Variants in FBXW10 observed in about 807,000 individuals in gnomAD.
FBXW10 encodes the protein F-box/WD repeat-containing protein 10.
A neutral mutation model predicts 113.1 loss-of-function variants in FBXW10; 68 were observed. The ratio of observed to expected loss-of-function variants is 0.60; its 90% CI spans 0.49 to 0.74. The LOEUF is 0.74. Among genes scored for constraint, FBXW10 ranks in the 30% least tolerant of loss-of-function variants. FBXW10 has a pLI of 0.00. For synonymous variants in FBXW10, 289 were observed against 481.6 expected (o/e 0.60, Z 5.24); for missense variants, 753 against 1,284.5 (o/e 0.59, Z 6.32).
intron 1 of FBXW10, among the ~76,000 whole-genome samples, chr17:18,746,821 C>G (rs997408479): frequency 5.3e-5 from 8 of 152,120 alleles, no homozygotes; most frequent in Non-Finnish European, 8.8e-5. Context: ...AGATGCAATG[C>G]TCCACAGTGC....
rs144179290 is a variant in FBXW10 at position 18,756,082 on chromosome 17, A to G, written c.1160A>G (p.Glu387Gly). The stretch of plus-strand genomic sequence containing the variant: ...CTGTGGACTGCATACCAGAACGAGG[A>G]AACGCAGCAGGTCCTGATAGAGGAG... The part of the protein sequence containing the change: ...YNLWTAYQNE[E>G]TQQVLIEERN... Residue 387 changes from glutamate (E) to glycine (G), a missense_variant, in exon 6 of 14, where the codon GAA becomes GGA. Physicochemically the swap from Glu to Gly is moderately conservative, Grantham distance 98. Coordinates refer to ENST00000395665, the MANE Select transcript of FBXW10 (RefSeq NM_001267585.2). 6.5e-3 allele frequency: 10,492 copies of G among 1,613,914 alleles called. 40 individuals are homozygous for G. The highest frequency in any genetic ancestry group is 7.5e-3 in the Admixed American group (448 of 59,998).
At chr17:18,753,796 C>T (rs2035212120) in intron 5 of FBXW10, among the ~76,000 whole-genome samples, 1 of 151,880 alleles carries the variant, frequency 6.6e-6, no homozygotes, top group South Asian at 2.1e-4. Flanking sequence ...ATCACTTGAA[C>T]CTAGGAGATG....
intron 7 of FBXW10, 59 bp from the exon 8 acceptor site, chr17:18,764,683 G>T: frequency 1.2e-6 from 2 of 1,612,894 alleles, no homozygotes; most frequent in Non-Finnish European, 1.7e-6. Context: ...TGGGTTCTAC[G>T]CAGTATGATC....
At chr17:18,762,131 T>C (rs912626396) in intron 7 of FBXW10, among the ~76,000 whole-genome samples, 1 of 143,556 alleles carries the variant, frequency 7.0e-6, no homozygotes, top group Non-Finnish European at 1.5e-5. Flanking sequence ...CCTGGCTAAT[T>C]TTTTGTATTT....
chr17:18,752,465 A>G (rs1230850861), intron 5 of FBXW10, among the ~76,000 whole-genome samples: 2 of 152,226 alleles, frequency 1.3e-5, no homozygotes, highest in African/African-American at 4.8e-5. Flanking sequence ...CTGTAATCCC[A>G]GCACTTTGGG....
At chr17:18,747,331 C>T (rs914243402) in intron 1 of FBXW10, among the ~76,000 whole-genome samples, 6 of 152,074 alleles carry the variant, frequency 3.9e-5, no homozygotes, top group South Asian at 4.1e-4. Context: ...GAGGCCGAGG[C>T]GGGTGGATCA....
At chr17:18,773,131 C>T (rs1008339635) in intron 12 of FBXW10, among the ~76,000 whole-genome samples, 22 of 151,838 alleles carry the variant, frequency 1.4e-4, no homozygotes, top group Non-Finnish European at 2.8e-4. Context: ...TGGGCTTTCT[C>T]CATGTTGATC....
At position 18,747,975 on chromosome 17, in the gene FBXW10, C is replaced by G. The variant is rs1240588868; in HGVS notation, c.540C>G (p.Ser180=). The G allele has an allele frequency of 6.2e-7, 1 of 1,613,768 alleles. No homozygotes were observed. The highest frequency in any genetic ancestry group is 8.5e-7 in the Non-Finnish European group (1 of 1,179,838). The change falls in exon 2 of 14, where the codon TCC becomes TCG. Residue 180 remains serine, a synonymous_variant. Coordinates refer to ENST00000395665, the MANE Select transcript of FBXW10 (RefSeq NM_001267585.2). ...LNQDITDVCF[S]PEKDHSSKSA... is the part of the protein sequence containing the mutation. ...AAGACATCACAGATGTGTGTTTTTC[C>G]CCTGAGAAAGACCACAGCTCCAAGT...
chr17:18,768,046 CCTTCCTT>C (rs2035535448), intron 9 of FBXW10, among the ~76,000 whole-genome samples: 1 of 148,346 alleles, frequency 6.7e-6, no homozygotes, highest in Non-Finnish European at 1.5e-5. Flanking sequence ...TTCCTTCCTT[CCTTCCTT>C]CTTTCTTTCT....
chr17:18,769,823 A>G (rs2035574711), intron 10 of FBXW10, 104 bp from the exon 11 acceptor site: 1 of 1,217,016 alleles, frequency 8.2e-7, no homozygotes, highest in South Asian at 1.5e-5. Flanking sequence ...GAGGCCAGTT[A>G]TGGCCAGTGC....
chr17:18,770,509 G>A (rs1007301418), intron 11 of FBXW10, among the ~76,000 whole-genome samples: 13 of 151,840 alleles, frequency 8.6e-5, no homozygotes, highest in Non-Finnish European at 5.9e-5. Context: ...TCACCATCTT[G>A]GCCAGGCTCA....
intron 1 of FBXW10, among the ~76,000 whole-genome samples, chr17:18,746,740 G>C (rs185357234): frequency 6.6e-6 from 1 of 152,114 alleles, no homozygotes; most frequent in Non-Finnish European, 1.5e-5. Flanking sequence ...CTGAAAACCA[G>C]GATCCCCTCC....
intron 13 of FBXW10, among the ~76,000 whole-genome samples, chr17:18,776,560 C>A (rs1224213279): frequency 6.6e-6 from 1 of 152,190 alleles, no homozygotes; most frequent in Non-Finnish European, 1.5e-5. Flanking sequence ...TGTACCTGTA[C>A]AGGTATACCT....
chr17:18,768,645 G>C lies in FBXW10; in HGVS notation c.1816G>C (p.Glu606Gln), dbSNP rs147930073. Residue 606 changes from glutamate (E) to glutamine (Q), a missense_variant, in exon 10 of 14, where the codon GAG becomes CAG. Physicochemically the swap from Glu to Gln is conservative, Grantham distance 29. Coordinates refer to ENST00000395665, the MANE Select transcript of FBXW10 (RefSeq NM_001267585.2). ...VMAWSMVGKY[E>Q]RCLMAFKHPK... is the part of the protein sequence containing the mutation. The stretch of plus-strand genomic sequence containing the variant: ...GGCCTGGAGCATGGTGGGGAAGTAC[G>C]AGCGCTGCCTGATGGCCTTCAAGCA... 1.9e-6 allele frequency: 3 copies of C among 1,613,782 alleles called. No individual in the cohort carries two copies. The highest frequency in any genetic ancestry group is 2.7e-5 in the African/African-American group (2 of 74,878).
intron 6 of FBXW10, among the ~76,000 whole-genome samples, chr17:18,757,147 C>A (rs2035282446): frequency 6.6e-6 from 1 of 152,036 alleles, no homozygotes; most frequent in Admixed American, 6.6e-5. Flanking sequence ...TACACACACA[C>A]ATATATATGT....
At chr17:18,761,840 T>C (rs1035930502) in intron 7 of FBXW10, among the ~76,000 whole-genome samples, 4 of 152,238 alleles carry the variant, frequency 2.6e-5, no homozygotes, top group African/African-American at 9.6e-5. Context: ...ATTTTCAAAT[T>C]AGTTATTGCT....
chr17:18,763,823 G>A (rs1352089069), intron 7 of FBXW10, among the ~76,000 whole-genome samples: 2 of 151,302 alleles, frequency 1.3e-5, no homozygotes, highest in African/African-American at 4.8e-5. Flanking sequence ...TGGAATCAGT[G>A]CCATGGATTC....
intron 5 of FBXW10, among the ~76,000 whole-genome samples, chr17:18,754,781 A>C (rs1301283400): frequency 6.6e-6 from 1 of 152,180 alleles, no homozygotes; most frequent in African/African-American, 2.4e-5. Context: ...GGCAGGCAGG[A>C]AGGAAATAAA....
chr17:18,764,894 A>G (rs775496250), intron 8 of FBXW10, 31 bp downstream of exon 8: 18 of 1,613,662 alleles, frequency 1.1e-5, no homozygotes, highest in Non-Finnish European at 1.4e-5. Context: ...ATTTTCTAAG[A>G]AGTTTCCCCC....
Sources: allele counts gnomAD v4.1 joint callset (sites outside exome capture counted in the v4.1 genomes callset), GRCh38; gene constraint gnomAD v4.1.1; transcripts MANE v1.5; gene names NCBI Gene and HGNC (gene_info 2026-07-23, HGNC 2026-07-21).